Variants in ANK2 observed in about 807,000 individuals in gnomAD.
ANK2 encodes the protein ankyrin 2.
ANK2 carries 83 observed loss-of-function variants against 360.5 expected under a neutral mutation model. The observed-to-expected ratio is 0.23, with a 90% CI of 0.19 to 0.28. ANK2 has a LOEUF of 0.28. Among genes scored for constraint, ANK2 ranks in the 10% least tolerant of loss-of-function variants. The probability of loss-of-function intolerance (pLI) is 1.00; values close to 1 mark genes in which losing one functional copy is unlikely to be tolerated. For missense variants in ANK2, 4,201 were observed against 4,795.7 expected (o/e 0.88, Z 3.66); for synonymous variants, 1,740 against 1,759.5 (o/e 0.99, Z 0.28).
chr4:113,004,554 G>T (rs9997195), intron 2 of ANK2, among the ~76,000 whole-genome samples: 2 of 151,602 alleles, frequency 1.3e-5, no homozygotes, highest in Admixed American at 1.3e-4. Context: ...TGACAACAAC[G>T]CCTTCTTCTA....
At chr4:112,746,507 CA>C in the ANK2 span, among the ~76,000 whole-genome samples, 260 of 121,756 alleles carry the variant, frequency 2.1e-3, no homozygotes, top group Middle Eastern at 4.4e-3. Context: ...GATGCTGTCT[CA>C]AAAAAAAAAA....
rs750709290 is a variant in ANK2, at chr4:112,932,491, C to CAAA, written c.21+27996_21+27998dup. Among the ~76,000 whole-genome samples, 200 of 54,556 alleles carry CAAA rather than the reference C, an allele frequency of 3.7e-3. 1 individual carries two copies. The highest frequency in any genetic ancestry group is 0.012 in the African/African-American group (182 of 15,326). 35.8% of individuals were successfully genotyped at this position (54,556 alleles called of 152,430 possible). A position where few individuals can be genotyped will look rare whatever the true frequency, so the allele number is the denominator to read the frequency against. On this transcript the variant is annotated intron_variant, in intron 2 of 30. Coordinates refer to the ANK2 transcript ENST00000503271. The stretch of plus-strand genomic sequence containing the variant: ...TGGGTGACAGAGTGAGACTCCGTCT[C>CAAA]AAAAAAAAAAAAAAAAAAAAAGATA...
the ANK2 span, among the ~76,000 whole-genome samples, chr4:112,728,946 C>A: frequency 6.6e-6 from 1 of 152,078 alleles, no homozygotes; most frequent in Non-Finnish European, 1.5e-5. Context: ...TTGGCACACA[C>A]CTGTGGTCCC....
rs776957456 is a variant in ANK2 at position 113,293,459 on chromosome 4, C to T, written c.2396C>T (p.Ala799Val). The change falls in exon 22 of 46, where the codon GCG (alanine) becomes GTG (valine). Residue 799 changes from alanine (A) to valine (V), a missense_variant. This residue lies in a region of ANK2 where 1,268 missense variants were observed against 1,650.8 expected (regional missense o/e 0.77). Transcript: ENST00000357077. ...CTTCAGAATGGCAACACTGCCTTGG[C>T]GATTGCTAAGCGTCTGGGCTACATC... ...ATTANGNTAL[A>V]IAKRLGYISV... The T allele has an allele frequency of 7.4e-6, 12 of 1,613,424 alleles. No homozygotes were observed. Among genetic ancestry groups the T allele is most frequent in the South Asian group, 5.5e-5 (5 of 90,974 alleles).
chr4:112,794,223 T>C, the ANK2 span, among the ~76,000 whole-genome samples: 1 of 152,238 alleles, frequency 6.6e-6, no homozygotes, highest in East Asian at 1.9e-4. Context: ...TTCATGCAGT[T>C]AATAGTTTAT....
intron 45 of ANK2, chr4:113,378,182 G>C: frequency 8.0e-7 from 1 of 1,255,586 alleles, no homozygotes; most frequent in Non-Finnish European, 1.0e-6. Context: ...TAATTAAAAG[G>C]TTTGGGTTAG....
chr4:113,163,764 CAAAA>C (rs1158530849), intron 1 of ANK2, among the ~76,000 whole-genome samples: 16 of 55,042 alleles, frequency 2.9e-4, no homozygotes, highest in African/African-American at 6.8e-4. Flanking sequence ...AACTTCGTCT[CAAAA>C]AAAAAAAAAA....
chr4:113,297,826 C>T (rs1177443406), intron 22 of ANK2, among the ~76,000 whole-genome samples: 2 of 151,756 alleles, frequency 1.3e-5, no homozygotes, highest in Admixed American at 1.3e-4. Context: ...ACGCTGTTGC[C>T]CAGGCTGAAG....
chr4:113,365,008 CAT>C (rs1564110319), intron 40 of ANK2, 29 bp from the exon 41 acceptor site: 1 of 1,613,056 alleles, frequency 6.2e-7, no homozygotes, highest in Non-Finnish European at 8.5e-7. Flanking sequence ...ACCTCTCAGA[CAT>C]AATAAATGCT....
intron 1 of ANK2, among the ~76,000 whole-genome samples, chr4:112,888,039 G>T (rs140414202): frequency 0.017 from 2,548 of 152,214 alleles, 36 homozygotes; most frequent in Middle Eastern, 0.031. Flanking sequence ...AGATATCATA[G>T]CTGTACTATA....
At chr4:113,315,686 C>G (rs1226699458) in intron 24 of ANK2, among the ~76,000 whole-genome samples, 1 of 152,014 alleles carries the variant, frequency 6.6e-6, no homozygotes, top group Non-Finnish European at 1.5e-5. Context: ...ATCACGAGGT[C>G]AGGAGATCGA....
At chr4:112,721,054 A>G in the ANK2 span, among the ~76,000 whole-genome samples, 1 of 152,176 alleles carries the variant, frequency 6.6e-6, no homozygotes, top group Non-Finnish European at 1.5e-5. Flanking sequence ...ATAATCCCAG[A>G]ACCCCCAAGG....
At chr4:112,977,574 T>A (rs1016233806) in intron 2 of ANK2, among the ~76,000 whole-genome samples, 3 of 151,826 alleles carry the variant, frequency 2.0e-5, no homozygotes, top group Admixed American at 1.3e-4. Flanking sequence ...TATTTTATTT[T>A]TTTTTTTTAC....
At chr4:113,360,694 G>A in intron 38 of ANK2, 129 bp from the exon 39 acceptor site, 2 of 795,056 alleles carry the variant, frequency 2.5e-6, no homozygotes, top group Non-Finnish European at 4.3e-6. Flanking sequence ...AATATGATCT[G>A]AAATGTAGTA....
intron 13 of ANK2, among the ~76,000 whole-genome samples, chr4:113,259,812 CTTTTTTT>C (rs772674741): frequency 5.6e-5 from 6 of 106,628 alleles, no homozygotes; most frequent in Admixed American, 2.0e-4. Context: ...CTTTTTTTTT[CTTTTTTT>C]TTTTTTTAAT....
intron 2 of ANK2, among the ~76,000 whole-genome samples, chr4:112,990,931 C>T (rs1005533275): frequency 6.6e-6 from 1 of 152,070 alleles, no homozygotes; most frequent in Non-Finnish European, 1.5e-5. Flanking sequence ...TAAATTACAA[C>T]CAAATTCATC....
At chr4:113,369,977 T>C (rs965796492) in intron 43 of ANK2, among the ~76,000 whole-genome samples, 172 bp downstream of exon 43, 1 of 152,204 alleles carries the variant, frequency 6.6e-6, no homozygotes, top group African/African-American at 2.4e-5. Context: ...AGCCGATGAA[T>C]CTTGAAGAAA....
chr4:112,954,765 C>T (rs943782855), intron 2 of ANK2, among the ~76,000 whole-genome samples: 10 of 152,094 alleles, frequency 6.6e-5, no homozygotes, highest in Admixed American at 1.3e-4. Context: ...CTGGTAGTCT[C>T]TCCATTTTGT....
chr4:112,947,265 T>C (rs985819771), intron 2 of ANK2, among the ~76,000 whole-genome samples: 18 of 152,210 alleles, frequency 1.2e-4, no homozygotes, highest in African/African-American at 3.6e-4. Flanking sequence ...AGATGACTTA[T>C]GACCAAAATT....
Sources: allele counts gnomAD v4.1 joint callset (sites outside exome capture counted in the v4.1 genomes callset), GRCh38; gene constraint gnomAD v4.1.1; regional missense constraint gnomAD v4.1.1; transcripts MANE v1.5; gene names NCBI Gene and HGNC (gene_info 2026-07-23, HGNC 2026-07-21).